Variants in PPFIBP1 observed in about 807,000 individuals in gnomAD.
PPFIBP1 encodes the protein liprin-beta-1.
Under a neutral mutation model 137.8 loss-of-function variants are expected in PPFIBP1, and 112 were observed. The ratio of observed to expected loss-of-function variants is 0.81; its 90% CI spans 0.70 to 0.95. The LOEUF (loss-of-function observed/expected upper bound fraction) is 0.95. Among genes scored for constraint, PPFIBP1 ranks in the 40% least tolerant of loss-of-function variants. The pLI is 0.00. For missense variants in PPFIBP1, 1,083 were observed against 1,196.6 expected, an observed-to-expected ratio of 0.91 and a Z score of 1.40; for synonymous variants, 378 against 417.3, an observed-to-expected ratio of 0.91 and a Z score of 1.15.
intron 4 of PPFIBP1, among the ~76,000 whole-genome samples, chr12:27,639,513 G>A (rs7303886): frequency 0.59 from 89,007 of 151,630 alleles, 26,622 homozygotes; most frequent in Admixed American, 0.65. Context: ...GTGAAATCCC[G>A]AAGGTGTCTG....
At chr12:27,589,078 A>G (rs2052142433) in intron 2 of PPFIBP1, among the ~76,000 whole-genome samples, 1 of 152,220 alleles carries the variant, frequency 6.6e-6, no homozygotes, top group Admixed American at 6.5e-5. Context: ...GACTCCAGGT[A>G]ATGCAATATA....
Position 27,694,887 on chromosome 12 carries a change from C to T in PPFIBP1, c.*2005C>T, listed in dbSNP as rs1484910908. 6.6e-6 allele frequency: 1 copy of T among 152,138 alleles called. No individual in the cohort carries two copies. The highest frequency in any genetic ancestry group is 1.5e-5 in the Non-Finnish European group (1 of 68,036). 9.4% of individuals were successfully genotyped at this position (152,138 alleles called of 1,614,324 possible). A position where few individuals can be genotyped will look rare whatever the true frequency, so the allele number is the denominator to read the frequency against. ...GTGGTATTATCTTTTAAGTTGTCAGCAAGTTACCAAGGTATTCATTAAAGA... is the reference window on the plus strand; with the variant it reads ...GTGGTATTATCTTTTAAGTTGTCAGTAAGTTACCAAGGTATTCATTAAAGA... On this transcript the variant is annotated 3_prime_UTR_variant, in exon 30 of 30. Coordinates refer to ENST00000228425, the MANE Select transcript of PPFIBP1 (RefSeq NM_003622.4).
intron 19 of PPFIBP1, 67 bp from the exon 20 acceptor site, chr12:27,679,422 A>G: frequency 6.8e-7 from 1 of 1,460,422 alleles, no homozygotes; most frequent in South Asian, 1.3e-5. Context: ...TTCTAGAACC[A>G]AGAAGATTAA....
At position 27,586,896 on chromosome 12, in the gene PPFIBP1, G is replaced by T. The variant is rs1470926662; in HGVS notation, c.-36+8657G>T. ...GTAAGTGTCAGGCTGTTCTTGATTTGTGAGAAACAAAAAATTTAAAAGATG... is the reference window on the plus strand; with the variant it reads ...GTAAGTGTCAGGCTGTTCTTGATTTTTGAGAAACAAAAAATTTAAAAGATG... On this transcript the variant is annotated intron_variant, in intron 2 of 29. Coordinates refer to ENST00000228425, the MANE Select transcript of PPFIBP1 (RefSeq NM_003622.4). Among the ~76,000 whole-genome samples the T allele has an allele frequency of 5.3e-5, 8 of 152,228 alleles. No individual in the cohort carries two copies. The East Asian group carries it at 1.4e-3, about 26-fold the overall frequency.
At position 27,689,219 on chromosome 12, in the gene PPFIBP1, T is replaced by C. The variant is rs755798275; in HGVS notation, c.2685+16T>C. ...CAAAGTGAAGGTTGGTTCAGGCTCA[T>C]ACGGTTTAATAATTGCTTGGCGCAA... On this transcript the variant is annotated intron_variant, in intron 27 of 29. Coordinates refer to ENST00000228425, the MANE Select transcript of PPFIBP1 (RefSeq NM_003622.4). The C allele has an allele frequency of 2.0e-6, 3 of 1,524,718 alleles. No individual in the cohort carries two copies. The highest frequency in any genetic ancestry group is 2.6e-6 in the Non-Finnish European group (3 of 1,142,626). 94.4% of individuals were successfully genotyped at this position (1,524,718 alleles called of 1,614,324 possible). A position where few individuals can be genotyped will look rare whatever the true frequency, so the allele number is the denominator to read the frequency against.
intron 1 of PPFIBP1, among the ~76,000 whole-genome samples, chr12:27,545,935 C>G (rs971221634): frequency 2.0e-5 from 3 of 152,210 alleles, no homozygotes; most frequent in Non-Finnish European, 4.4e-5. Context: ...TCCCCTCAGC[C>G]TCTTGTCAGC....
intron 25 of PPFIBP1, 106 bp from the exon 26 acceptor site, chr12:27,688,188 CCTTT>C (rs2061313769): frequency 4.9e-6 from 6 of 1,213,288 alleles, no homozygotes; most frequent in Middle Eastern, 2.0e-4. Flanking sequence ...AGAATTTTTC[CCTTT>C]CTTTTTGCAT....
Position 27,672,427 on chromosome 12 carries a change from T to C in PPFIBP1, c.1263T>C (p.Asn421=), listed in dbSNP as rs1259921628. ...ATACCTTTTGTTCTTTACATTTTAG[T>C]GATGGAAACATAATCCTTGGTGCCA... is the stretch of plus-strand genomic sequence containing the variant. ...TPKPETSFEE[N]DGNIILGATV... Residue 421 remains asparagine, a splice_region_variant and synonymous_variant, in exon 15 of 30, where the codon AAT becomes AAC. Transcript: ENST00000228425. 2.5e-6 allele frequency: 4 copies of C among 1,604,482 alleles called. No homozygotes were observed. The South Asian group carries it at 4.4e-5, about 18-fold the overall frequency.
At chr12:27,541,180 G>A (rs1051710090) in intron 1 of PPFIBP1, among the ~76,000 whole-genome samples, 9 of 151,982 alleles carry the variant, frequency 5.9e-5, no homozygotes, top group Non-Finnish European at 1.2e-4. Context: ...TTCCTGATGA[G>A]GATAAATGGG....
At chr12:27,531,450 G>A (rs1341029291) in intron 1 of PPFIBP1, among the ~76,000 whole-genome samples, 2 of 142,106 alleles carry the variant, frequency 1.4e-5, no homozygotes, top group East Asian at 4.1e-4. Flanking sequence ...CCACCAGCAT[G>A]AGCAGCTAAT....
chr12:27,616,079 T>C (rs1403942241), intron 2 of PPFIBP1, among the ~76,000 whole-genome samples: 1 of 152,154 alleles, frequency 6.6e-6, no homozygotes, highest in Non-Finnish European at 1.5e-5. Context: ...TGTTATTGTT[T>C]TCTTTTTTCC....
At chr12:27,601,147 A>G (rs1301002339) in intron 2 of PPFIBP1, among the ~76,000 whole-genome samples, 2 of 152,336 alleles carry the variant, frequency 1.3e-5, no homozygotes, top group Non-Finnish European at 2.9e-5. Flanking sequence ...GGTAAATTTT[A>G]TATGTATTTT....
chr12:27,601,950 C>A (rs1190066573), intron 2 of PPFIBP1, among the ~76,000 whole-genome samples: 10 of 152,304 alleles, frequency 6.6e-5, no homozygotes, highest in Admixed American at 3.3e-4. Context: ...AAAATTGATT[C>A]TTCAGTCACA....
intron 1 of PPFIBP1, among the ~76,000 whole-genome samples, chr12:27,545,852 C>T (rs749929944): frequency 6.6e-6 from 1 of 152,136 alleles, no homozygotes; most frequent in African/African-American, 2.4e-5. Context: ...CCCAACCGGC[C>T]GCCTCTCAGT....
intron 2 of PPFIBP1, among the ~76,000 whole-genome samples, chr12:27,595,581 G>A (rs757582989): frequency 4.6e-5 from 7 of 152,100 alleles, no homozygotes; most frequent in Admixed American, 1.3e-4. Context: ...TAGGCCGGGC[G>A]CAGTGGCTCA....
rs144994550 is a variant in PPFIBP1, at chr12:27,534,563, A to T, written c.-124+10198A>T. On this transcript the variant is annotated intron_variant, in intron 1 of 29. Coordinates refer to ENST00000228425, the MANE Select transcript of PPFIBP1 (RefSeq NM_003622.4). ...ATTGAAGTGGAAAGTAGTGGTTATAAAAAAAAAAAAGAGAATGAAATTAGA... is the reference window on the plus strand; with the variant it reads ...ATTGAAGTGGAAAGTAGTGGTTATATAAAAAAAAAAGAGAATGAAATTAGA... Among the ~76,000 whole-genome samples, 421 of 147,886 alleles carry T rather than the reference A, an allele frequency of 2.8e-3. 1 individual carries two copies. Among genetic ancestry groups the T allele is most frequent in the African/African-American group, 9.5e-3 (386 of 40,606 alleles).
intron 1 of PPFIBP1, among the ~76,000 whole-genome samples, chr12:27,541,871 A>G (rs1429562093): frequency 6.6e-6 from 1 of 152,104 alleles, no homozygotes; most frequent in Admixed American, 6.6e-5. Context: ...CTACTTCAGA[A>G]AGAATTCCAT....
intron 24 of PPFIBP1, among the ~76,000 whole-genome samples, chr12:27,686,941 TCAC>T (rs1409782106): frequency 6.6e-6 from 1 of 152,132 alleles, no homozygotes; most frequent in Non-Finnish European, 1.5e-5. Context: ...CATTCGCTCT[TCAC>T]TATCTGCTGA....
intron 2 of PPFIBP1, among the ~76,000 whole-genome samples, chr12:27,618,750 C>A (rs1343127249): frequency 6.6e-6 from 1 of 152,210 alleles, no homozygotes; most frequent in Non-Finnish European, 1.5e-5. Context: ...CTCCTGAGGG[C>A]TGTGTCACAG....
Sources: gnomAD v4.1 joint callset for allele counts (sites outside exome capture counted in the v4.1 genomes callset) on GRCh38, gnomAD v4.1.1 for gene constraint, MANE v1.5 for transcripts, NCBI Gene and HGNC (gene_info 2026-07-23, HGNC 2026-07-21) for gene names.